Variants in MAD1L1 observed in about 807,000 individuals in gnomAD.
MAD1L1 encodes mitotic spindle assembly checkpoint protein MAD1.
A neutral mutation model predicts 96.9 loss-of-function variants in MAD1L1; 95 were observed. The ratio of observed to expected loss-of-function variants is 0.98; its 90% confidence interval spans 0.83 to 1.16. The LOEUF (loss-of-function observed/expected upper bound fraction) is 1.16, where lower values mean the gene tolerates loss of function less well. Ranked by LOEUF, MAD1L1 falls within the 50% of genes most tolerant of loss-of-function variation. MAD1L1 has a pLI of 0.00. For missense variants in MAD1L1, 1,007 were observed against 954.4 expected, an observed-to-expected ratio of 1.06 and a Z score of -0.73; for synonymous variants, 473 against 396.6, an observed-to-expected ratio of 1.19 and a Z score of -2.29.
chr7:2,031,379 C>T (rs981080674), intron 12 of MAD1L1, among the ~76,000 whole-genome samples: 1 of 152,216 alleles, frequency 6.6e-6, no homozygotes, highest in African/African-American at 2.4e-5. Flanking sequence ...TTCTGGGCTC[C>T]CCACCAGCAA....
In MAD1L1 at chr7:2,088,195, C is replaced by T. The variant is rs1311005526; in HGVS notation, c.1074-18857G>A. Reference sequence around the variant, plus strand: ...CAGTGGACGAGGTCGGGCAGCAAAGCGACCTTGGATCACACATCGCGCCTC... The same window carrying T: ...CAGTGGACGAGGTCGGGCAGCAAAGTGACCTTGGATCACACATCGCGCCTC... On this transcript the variant is annotated intron_variant, in intron 11 of 18. Transcript: ENST00000265854. This position sits in a 1 kb window ranked among gnomAD's most constrained non-coding sequence, Gnocchi z 4.4. 6.6e-6 allele frequency among the ~76,000 whole-genome samples: 1 copy of T among 152,188 alleles called. No homozygotes were observed. The highest frequency in any genetic ancestry group is 2.4e-5 in the African/African-American group (1 of 41,442).
chr7:1,884,665 G>A (rs1785899351), intron 18 of MAD1L1, among the ~76,000 whole-genome samples: 1 of 152,250 alleles, frequency 6.6e-6, no homozygotes, highest in Admixed American at 6.5e-5. Flanking sequence ...GGGCTGGGCA[G>A]CAGGGGAGTT....
intron 12 of MAD1L1, among the ~76,000 whole-genome samples, chr7:2,063,768 G>A (rs1482536201): frequency 1.3e-5 from 2 of 152,194 alleles, no homozygotes; most frequent in Non-Finnish European, 2.9e-5. Context: ...TCATGGCCAG[G>A]GTGCGGCCAC....
chr7:2,111,201 C>G (rs548214230), intron 11 of MAD1L1, among the ~76,000 whole-genome samples: 4 of 152,214 alleles, frequency 2.6e-5, no homozygotes, highest in South Asian at 2.1e-4. Context: ...TCGCTCCCCC[C>G]ACACCATGCG....
chr7:2,171,589 A>T (rs1162268698), intron 10 of MAD1L1, among the ~76,000 whole-genome samples: 1 of 151,924 alleles, frequency 6.6e-6, no homozygotes, highest in Non-Finnish European at 1.5e-5. Context: ...TGGAGGGTGG[A>T]GATGGGCCAC....
At chr7:1,879,557 A>G (rs904706917) in intron 18 of MAD1L1, among the ~76,000 whole-genome samples, 6 of 152,190 alleles carry the variant, frequency 3.9e-5, no homozygotes, top group African/African-American at 1.4e-4. Context: ...AGAAATTGAC[A>G]GGCGGATTCC....
intron 18 of MAD1L1, among the ~76,000 whole-genome samples, chr7:1,894,309 C>T (rs575051026): frequency 8.7e-4 from 133 of 152,302 alleles, no homozygotes; most frequent in African/African-American, 3.0e-3. Flanking sequence ...GAAGAGTCGG[C>T]TTACAGGGAG....
At chr7:2,082,433 C>G (rs556099877) in intron 11 of MAD1L1, among the ~76,000 whole-genome samples, 1 of 152,108 alleles carries the variant, frequency 6.6e-6, no homozygotes, top group East Asian at 1.9e-4. Context: ...GGGAAGGAGC[C>G]GGGCCTGGGA....
Position 1,833,310 on chromosome 7 carries a change from A to C in MAD1L1, c.1999-17082T>G, listed in dbSNP as rs185977835. On this transcript the variant is annotated intron_variant, in intron 18 of 18. Transcript: ENST00000265854. Reference sequence around the variant, plus strand: ...CTGACAGTGCAACTCTGTATCAAACAAAGCAGATTTCAGAGCAAAGAATAT... The same window carrying C: ...CTGACAGTGCAACTCTGTATCAAACCAAGCAGATTTCAGAGCAAAGAATAT... 2.6e-5 allele frequency among the ~76,000 whole-genome samples: 4 copies of C among 152,370 alleles called. No homozygotes were observed. The East Asian group carries it at 7.7e-4, about 29-fold the overall frequency.
chr7:1,915,378 AC>A (rs1461561636), intron 17 of MAD1L1, among the ~76,000 whole-genome samples: 20 of 152,126 alleles, frequency 1.3e-4, no homozygotes, highest in African/African-American at 4.8e-4. Context: ...TGGGAAGGAG[AC>A]CTGGGGCAGA....
chr7:1,983,101 C>T (rs1284632003), intron 14 of MAD1L1, among the ~76,000 whole-genome samples: 1 of 152,050 alleles, frequency 6.6e-6, no homozygotes, highest in African/African-American at 2.4e-5. Context: ...TGCACACACA[C>T]ACACGTGCAC....
intron 15 of MAD1L1, among the ~76,000 whole-genome samples, chr7:1,979,224 C>G (rs555311228): frequency 1.1e-4 from 16 of 152,294 alleles, no homozygotes; most frequent in Non-Finnish European, 1.9e-4. Context: ...GAAGGGTGCT[C>G]TCTCCCCACT....
intron 10 of MAD1L1, among the ~76,000 whole-genome samples, chr7:2,210,994 G>C (rs921706553): frequency 6.6e-6 from 1 of 152,238 alleles, no homozygotes; most frequent in African/African-American, 2.4e-5. Context: ...CTGGCCCAGA[G>C]CAGCGCAGTG....
chr7:1,835,974 T>C (rs1782919190), intron 18 of MAD1L1, among the ~76,000 whole-genome samples: 1 of 152,228 alleles, frequency 6.6e-6, no homozygotes, highest in Non-Finnish European at 1.5e-5. Context: ...CATATGCTAA[T>C]GCATTATAAT....
intron 18 of MAD1L1, among the ~76,000 whole-genome samples, chr7:1,896,850 C>T (rs1786906853): frequency 6.6e-6 from 1 of 152,232 alleles, no homozygotes; most frequent in South Asian, 2.1e-4. Context: ...GATAACTGTT[C>T]ATGGTACACC....
At chr7:2,032,965 C>A (rs903191088) in intron 12 of MAD1L1, among the ~76,000 whole-genome samples, 1 of 152,258 alleles carries the variant, frequency 6.6e-6, no homozygotes, top group East Asian at 1.9e-4. Flanking sequence ...GGAGAGGGCA[C>A]CAGCTGAGAA....
chr7:2,193,936 A>T (rs1347550318), intron 10 of MAD1L1, among the ~76,000 whole-genome samples: 35 of 82,800 alleles, frequency 4.2e-4, no homozygotes, highest in East Asian at 1.2e-3. Flanking sequence ...CTCTGCATGG[A>T]TTTTTTTTTT....
intron 5 of MAD1L1, among the ~76,000 whole-genome samples, chr7:2,221,834 G>T (rs566298886): frequency 1.1e-4 from 17 of 152,306 alleles, no homozygotes; most frequent in African/African-American, 4.1e-4. Flanking sequence ...GAAGGCTACG[G>T]GGAAATTGGA....
chr7:2,171,255 C>T (rs1790692016), intron 10 of MAD1L1, among the ~76,000 whole-genome samples: 1 of 152,236 alleles, frequency 6.6e-6, no homozygotes, highest in South Asian at 2.1e-4. Context: ...AACATGGGTG[C>T]AGTTCCATAA....
Sources: allele counts gnomAD v4.1 joint callset (sites outside exome capture counted in the v4.1 genomes callset), GRCh38; gene constraint gnomAD v4.1.1; non-coding constraint Gnocchi (gnomAD v3.1); transcripts MANE v1.5; gene names NCBI Gene and HGNC (gene_info 2026-07-23, HGNC 2026-07-21).